Variants in SPAG16 observed in about 807,000 individuals in gnomAD.
SPAG16 encodes sperm-associated antigen 16 protein.
A neutral mutation model predicts 80.4 loss-of-function variants in SPAG16; 86 were observed. That is an observed-to-expected ratio of 1.07 (90% CI 0.90 to 1.28). The LOEUF (loss-of-function observed/expected upper bound fraction) is 1.28. Ranked by LOEUF, SPAG16 falls within the 50% of genes most tolerant of loss-of-function variation. The pLI is 0.00. For missense variants in SPAG16, 870 were observed against 765.3 expected (o/e 1.14, Z -1.61); for synonymous variants, 294 against 265.9 (o/e 1.11, Z -1.03).
chr2:214,002,026 A>C (rs765287536), intron 12 of SPAG16, among the ~76,000 whole-genome samples: 21 of 152,192 alleles, frequency 1.4e-4, no homozygotes, highest in African/African-American at 3.9e-4. Flanking sequence ...AGAGAGAATG[A>C]GAGCCGAGCG....
At position 214,217,326 on chromosome 2, in the gene SPAG16, C is replaced by T. The variant is rs573358273; in HGVS notation, c.1720+68060C>T. Reference sequence around the variant, plus strand: ...CTTGTCTTGCTGCCTTTTGTCAAAGCTCCTGTTTGCATTTTAATTGACTTG... The same window carrying T: ...CTTGTCTTGCTGCCTTTTGTCAAAGTTCCTGTTTGCATTTTAATTGACTTG... On this transcript the variant is annotated intron_variant, in intron 15 of 15. Coordinates refer to ENST00000331683, the MANE Select transcript of SPAG16 (RefSeq NM_024532.5). Among the ~76,000 whole-genome samples, 19 of 152,270 alleles carry T rather than the reference C, an allele frequency of 1.2e-4. No individual in the cohort carries two copies. In the South Asian group the frequency reaches 3.5e-3, roughly 28 times the overall value.
intron 5 of SPAG16, among the ~76,000 whole-genome samples, chr2:213,337,531 T>TA (rs2124929587): frequency 6.6e-6 from 1 of 152,108 alleles, no homozygotes; most frequent in African/African-American, 2.4e-5. Flanking sequence ...GAATATAAAT[T>TA]ACCTGATCAA....
intron 13 of SPAG16, among the ~76,000 whole-genome samples, chr2:214,055,075 T>C (rs538246931): frequency 1.1e-4 from 16 of 152,194 alleles, no homozygotes; most frequent in Non-Finnish European, 1.5e-4. Flanking sequence ...TTTAGCAGGA[T>C]TTTCCCCCAT....
chr2:214,018,278 A>C (rs936841708), intron 13 of SPAG16, among the ~76,000 whole-genome samples: 19 of 152,258 alleles, frequency 1.2e-4, no homozygotes, highest in Admixed American at 3.9e-4. Context: ...AAACAAAAAA[A>C]CTTTAAATCA....
chr2:213,576,749 C>T (rs1237403819), intron 10 of SPAG16, among the ~76,000 whole-genome samples: 4 of 152,118 alleles, frequency 2.6e-5, no homozygotes, highest in East Asian at 1.9e-4. Context: ...TGCTTGTTCT[C>T]ACTTAATGGG....
intron 11 of SPAG16, among the ~76,000 whole-genome samples, chr2:213,877,667 G>C (rs904482412): frequency 3.9e-5 from 6 of 152,096 alleles, no homozygotes; most frequent in Admixed American, 2.6e-4. Flanking sequence ...TGTGAACTTA[G>C]GGAGAGGATG....
chr2:213,726,025 T>C (rs747574030), intron 10 of SPAG16, among the ~76,000 whole-genome samples: 1 of 152,224 alleles, frequency 6.6e-6, no homozygotes, highest in Admixed American at 6.5e-5. Flanking sequence ...TTACAGTCAA[T>C]GCTCTGCCCA....
At chr2:213,800,316 C>T (rs1464182226) in intron 10 of SPAG16, among the ~76,000 whole-genome samples, 1 of 137,650 alleles carries the variant, frequency 7.3e-6, no homozygotes, top group African/African-American at 2.7e-5. Flanking sequence ...TTCTCCTTCC[C>T]TCCCTCCCTC....
intron 3 of SPAG16, among the ~76,000 whole-genome samples, chr2:213,298,666 G>A (rs2126078017): frequency 6.6e-6 from 1 of 152,332 alleles, no homozygotes; most frequent in African/African-American, 2.4e-5. Context: ...AGATAAATCA[G>A]AGGAAAGTTG....
At chr2:213,295,514 T>A (rs2062463268) in intron 1 of SPAG16, among the ~76,000 whole-genome samples, 1 of 152,142 alleles carries the variant, frequency 6.6e-6, no homozygotes, top group African/African-American at 2.4e-5. Context: ...TGGAGATACA[T>A]GGAAAAGTAA....
At chr2:213,727,675 T>C (rs1230562235) in intron 10 of SPAG16, among the ~76,000 whole-genome samples, 2 of 152,126 alleles carry the variant, frequency 1.3e-5, no homozygotes, top group Admixed American at 1.3e-4. Context: ...GCAATGGGGC[T>C]GAAGCTATTC....
chr2:214,264,913 G>A (rs1359465090), intron 15 of SPAG16, among the ~76,000 whole-genome samples: 1 of 152,000 alleles, frequency 6.6e-6, no homozygotes, highest in African/African-American at 2.4e-5. Context: ...CTTTCACTAA[G>A]CAATATGGAT....
At chr2:213,540,241 G>A (rs936278027) in intron 10 of SPAG16, among the ~76,000 whole-genome samples, 5 of 151,370 alleles carry the variant, frequency 3.3e-5, no homozygotes, top group African/African-American at 1.2e-4. Flanking sequence ...TAGTAGAGAC[G>A]GGGTTTCACT....
intron 12 of SPAG16, among the ~76,000 whole-genome samples, chr2:213,953,184 A>C (rs1304669859): frequency 6.6e-6 from 1 of 152,022 alleles, no homozygotes; most frequent in African/African-American, 2.4e-5. Flanking sequence ...CTATATTTTT[A>C]ATCCCCCAAA....
At chr2:214,189,780 C>G (rs1458662071) in intron 15 of SPAG16, among the ~76,000 whole-genome samples, 10 of 151,752 alleles carry the variant, frequency 6.6e-5, no homozygotes, top group African/African-American at 9.7e-5. Flanking sequence ...TAGTTAAGTC[C>G]TTTATTTGTA....
intron 15 of SPAG16, among the ~76,000 whole-genome samples, chr2:214,243,680 A>G (rs1262324582): frequency 6.6e-6 from 1 of 152,156 alleles, no homozygotes; most frequent in East Asian, 1.9e-4. Context: ...GTCAATAATT[A>G]TCTTCACTAG....
intron 15 of SPAG16, among the ~76,000 whole-genome samples, chr2:214,353,979 T>G (rs1698595640): frequency 1.3e-5 from 2 of 152,042 alleles, no homozygotes; most frequent in Admixed American, 6.6e-5. Context: ...TGCTCCTCAA[T>G]AAAGATATAC....
intron 11 of SPAG16, among the ~76,000 whole-genome samples, chr2:213,913,498 C>CTG (rs143573914): frequency 2.7e-4 from 37 of 136,604 alleles, no homozygotes; most frequent in East Asian, 5.9e-4. Context: ...GTCTGTGTGT[C>CTG]TGTGTGTGTG....
At chr2:213,442,395 G>A (rs531327194) in intron 9 of SPAG16, among the ~76,000 whole-genome samples, 17 of 152,304 alleles carry the variant, frequency 1.1e-4, no homozygotes, top group African/African-American at 3.8e-4. Context: ...ATCCCAGCAA[G>A]TTATTTTGTG....
Sources: gnomAD v4.1 joint callset for allele counts (sites outside exome capture counted in the v4.1 genomes callset) on GRCh38, gnomAD v4.1.1 for gene constraint, MANE v1.5 for transcripts, NCBI Gene and HGNC (gene_info 2026-07-23, HGNC 2026-07-21) for gene names.